JARID2: variants seen among roughly 807,000 people sequenced by gnomAD.
The protein encoded by JARID2 is protein Jumonji.
A neutral mutation model predicts 125.6 loss-of-function variants in JARID2; 21 were observed. That is an observed-to-expected ratio of 0.17 (90% CI 0.12 to 0.24). JARID2 has a LOEUF of 0.24. Among genes scored for constraint, JARID2 ranks in the 10% least tolerant of loss-of-function variants. The pLI, the probability that JARID2 is intolerant of heterozygous loss-of-function variation, is 1.00. For synonymous variants in JARID2, 736 were observed against 661.6 expected (o/e 1.11, Z -1.73); for missense variants, 1,303 against 1,639.6 (o/e 0.79, Z 3.55).
chr6:15,288,916 C>G (rs1761100612), intron 1 of JARID2, among the ~76,000 whole-genome samples: 1 of 152,176 alleles, frequency 6.6e-6, no homozygotes, highest in South Asian at 2.1e-4. Flanking sequence ...GCTCTGGTAC[C>G]CAAGCCGGAG....
intron 1 of JARID2, among the ~76,000 whole-genome samples, chr6:15,265,866 C>G (rs935173085): frequency 5.3e-5 from 8 of 152,158 alleles, no homozygotes; most frequent in African/African-American, 1.9e-4. Flanking sequence ...GACCCCTTCT[C>G]CACTCAGGGG....
intron 12 of JARID2, among the ~76,000 whole-genome samples, chr6:15,511,002 G>A (rs1047390057): frequency 2.6e-5 from 4 of 152,212 alleles, no homozygotes; most frequent in African/African-American, 9.6e-5. Context: ...ACATCTGTTT[G>A]TGGTTTGAAG....
chr6:15,511,645 T>C (rs1012392610), intron 13 of JARID2, among the ~76,000 whole-genome samples: 3 of 152,190 alleles, frequency 2.0e-5, no homozygotes, highest in Admixed American at 1.3e-4. Flanking sequence ...TGGGCTGCTG[T>C]GGGCCCTGGG....
chr6:15,266,373 A>T (rs1272005314), intron 1 of JARID2, among the ~76,000 whole-genome samples: 1 of 152,208 alleles, frequency 6.6e-6, no homozygotes, highest in East Asian at 1.9e-4. Flanking sequence ...GTCTTCCCAA[A>T]TTCCTTCTCT....
chr6:15,247,792 A>G lies in JARID2; in HGVS notation c.45+1208A>G, dbSNP rs892254251. On this transcript the variant is annotated intron_variant, in intron 1 of 17. Coordinates refer to ENST00000341776, the MANE Select transcript of JARID2 (RefSeq NM_004973.4). ...CAACTATGAAAGAAATGCAAGGTTA[A>G]ATAATCAAGCCCAACTTAGAAAGCT... The G allele has an allele frequency of 3.1e-5, 31 of 985,330 alleles. No homozygotes were observed. The African/African-American group carries it at 5.2e-4, about 17-fold the overall frequency. The allele number at this position is 985,330 out of a possible 1,614,324, so 61.0% of individuals were successfully genotyped here.
At chr6:15,284,250 T>A (rs1343212729) in intron 1 of JARID2, among the ~76,000 whole-genome samples, 4 of 152,222 alleles carry the variant, frequency 2.6e-5, no homozygotes, top group Admixed American at 2.6e-4. Context: ...TTTACTTCTC[T>A]GGAATCCTCA....
At chr6:15,316,350 C>T (rs918784563) in intron 1 of JARID2, among the ~76,000 whole-genome samples, 14 of 152,138 alleles carry the variant, frequency 9.2e-5, no homozygotes, top group Non-Finnish European at 1.3e-4. Context: ...GTTGGCGTTA[C>T]GGACATGAGC....
At chr6:15,261,272 G>T (rs899643221) in intron 1 of JARID2, among the ~76,000 whole-genome samples, 1 of 150,976 alleles carries the variant, frequency 6.6e-6, no homozygotes, top group East Asian at 1.9e-4. Flanking sequence ...CATTATATAC[G>T]GTCTATGAAG....
chr6:15,397,346 C>G (rs1765256438), intron 2 of JARID2, among the ~76,000 whole-genome samples: 1 of 152,124 alleles, frequency 6.6e-6, no homozygotes, highest in South Asian at 2.1e-4. Context: ...CATTACAATT[C>G]TGTATTATGT....
intron 8 of JARID2, among the ~76,000 whole-genome samples, chr6:15,502,083 G>T (rs777593324): frequency 1.3e-5 from 2 of 152,228 alleles, no homozygotes; most frequent in African/African-American, 4.8e-5. Context: ...CCATTCACAC[G>T]CTGTGGAGGG....
chr6:15,452,839 A>G (rs1681564628), intron 4 of JARID2, among the ~76,000 whole-genome samples: 1 of 152,204 alleles, frequency 6.6e-6, no homozygotes, highest in African/African-American at 2.4e-5. Context: ...TTGAGAGAAT[A>G]AGGAGTCATT....
chr6:15,320,799 A>G (rs368342283), intron 1 of JARID2, among the ~76,000 whole-genome samples: 2 of 151,978 alleles, frequency 1.3e-5, no homozygotes, highest in Admixed American at 6.6e-5. Flanking sequence ...AGACCAATCT[A>G]TATTATTTTC....
At chr6:15,451,804 A>G (rs148124634) in intron 3 of JARID2, among the ~76,000 whole-genome samples, 1 of 152,326 alleles carries the variant, frequency 6.6e-6, no homozygotes, top group East Asian at 1.9e-4. Flanking sequence ...TGTACAAAAC[A>G]TAGTCCTTTA....
intron 5 of JARID2, among the ~76,000 whole-genome samples, chr6:15,472,057 C>T (rs975872476): frequency 6.6e-6 from 1 of 150,392 alleles, no homozygotes; most frequent in East Asian, 2.0e-4. Flanking sequence ...CCTGTTAATT[C>T]AGATATTTCC....
chr6:15,300,712 TGTGTGTGTGTGAGAGAGA>T (rs1561779532), intron 1 of JARID2, among the ~76,000 whole-genome samples: 25 of 139,920 alleles, frequency 1.8e-4, no homozygotes. Context: ...TGTGTGTGTG[TGTGTGTGTGTGAGAGAGA>T]GAGAGAGAGA....
At chr6:15,425,577 A>C (rs1331104815) in intron 3 of JARID2, among the ~76,000 whole-genome samples, 2 of 152,148 alleles carry the variant, frequency 1.3e-5, no homozygotes, top group African/African-American at 4.8e-5. Flanking sequence ...ATGGGAGTGG[A>C]TTCCTTATAG....
chr6:15,358,076 CTG>C (rs929835868), intron 1 of JARID2, among the ~76,000 whole-genome samples: 2 of 152,096 alleles, frequency 1.3e-5, no homozygotes, highest in African/African-American at 4.8e-5. Flanking sequence ...GGCGTGTCTG[CTG>C]TGTTTCTTTG....
chr6:15,470,923 T>C (rs979006474), intron 5 of JARID2, among the ~76,000 whole-genome samples: 4 of 152,244 alleles, frequency 2.6e-5, no homozygotes, highest in Non-Finnish European at 5.9e-5. Flanking sequence ...GAAAGAATTC[T>C]AATAACAGAA....
intron 1 of JARID2, among the ~76,000 whole-genome samples, chr6:15,313,049 T>C (rs959985218): frequency 6.6e-6 from 1 of 151,656 alleles, no homozygotes; most frequent in Non-Finnish European, 1.5e-5. Flanking sequence ...TCTGTGGGAG[T>C]TTTCCGTTTA....
Sources: allele counts gnomAD v4.1 joint callset (sites outside exome capture counted in the v4.1 genomes callset), GRCh38; gene constraint gnomAD v4.1.1; transcripts MANE v1.5; gene names NCBI Gene and HGNC (gene_info 2026-07-23, HGNC 2026-07-21).